The following PLEKHG1 variants were observed in gnomAD, a reference collection of about 807,000 sequenced individuals.
The protein encoded by PLEKHG1 is pleckstrin homology domain-containing family G member 1.
PLEKHG1 carries 44 observed loss-of-function variants against 100.8 expected under a neutral mutation model. The ratio of observed to expected loss-of-function variants is 0.44; its 90% CI spans 0.34 to 0.56. The LOEUF (loss-of-function observed/expected upper bound fraction) is 0.56. PLEKHG1 is among the 20% of genes least tolerant of loss of function. The pLI is 0.01. For synonymous variants in PLEKHG1, 640 were observed against 662.5 expected, an observed-to-expected ratio of 0.97 and a Z score of 0.52; for missense variants, 1,545 against 1,720.9, an observed-to-expected ratio of 0.90 and a Z score of 1.81.
At chr6:150,832,668 G>A (rs1036415856) in intron 15 of PLEKHG1, among the ~76,000 whole-genome samples, 8 of 136,676 alleles carry the variant, frequency 5.9e-5, no homozygotes, top group Non-Finnish European at 1.1e-4. Flanking sequence ...AAAAAGAGGG[G>A]TTTTTTTGCA....
At chr6:150,678,898 G>A (rs984142551) in intron 3 of PLEKHG1, among the ~76,000 whole-genome samples, 1 of 152,088 alleles carries the variant, frequency 6.6e-6, no homozygotes, top group South Asian at 2.1e-4. Context: ...ATCATATTAG[G>A]TTATCACTGA....
At chr6:150,778,550 C>T (rs992798278) in intron 3 of PLEKHG1, among the ~76,000 whole-genome samples, 6 of 152,184 alleles carry the variant, frequency 3.9e-5, no homozygotes, top group African/African-American at 1.4e-4. Flanking sequence ...CAGTTGCTCT[C>T]TATCGTACTA....
At chr6:150,706,313 A>G (rs1040234182) in intron 3 of PLEKHG1, among the ~76,000 whole-genome samples, 1 of 152,074 alleles carries the variant, frequency 6.6e-6, no homozygotes, top group Non-Finnish European at 1.5e-5. Context: ...TCAAGTTGTC[A>G]ATTTCAAAAA....
intron 1 of PLEKHG1, among the ~76,000 whole-genome samples, chr6:150,624,364 C>T (rs1294681042): frequency 6.6e-6 from 1 of 152,248 alleles, no homozygotes; most frequent in South Asian, 2.1e-4. Flanking sequence ...GCAACCTTGC[C>T]TCTCCCTCCC....
chr6:150,835,902 T>C (rs970960331), intron 15 of PLEKHG1, among the ~76,000 whole-genome samples: 3 of 152,186 alleles, frequency 2.0e-5, no homozygotes, highest in Admixed American at 1.3e-4. Flanking sequence ...TTATTCAAAA[T>C]TGATAAATGG....
At chr6:150,723,499 A>G (rs1781804222) in intron 1 of PLEKHG1, among the ~76,000 whole-genome samples, 1 of 152,182 alleles carries the variant, frequency 6.6e-6, no homozygotes, top group South Asian at 2.1e-4. Context: ...TTTTATGAGT[A>G]CAAGGAAGGA....
At chr6:150,816,896 C>G (rs558158742) in intron 10 of PLEKHG1, among the ~76,000 whole-genome samples, 1 of 152,314 alleles carries the variant, frequency 6.6e-6, no homozygotes, top group East Asian at 1.9e-4. Flanking sequence ...GTGCTGCAAC[C>G]TAGATCCCTC....
chr6:150,692,561 T>TCTAG (rs1391171587), intron 3 of PLEKHG1, among the ~76,000 whole-genome samples: 8 of 152,198 alleles, frequency 5.3e-5, no homozygotes, highest in Non-Finnish European at 7.3e-5. Context: ...ATATGTGATC[T>TCTAG]AGAGAAGACA....
intron 2 of PLEKHG1, among the ~76,000 whole-genome samples, chr6:150,765,934 A>G (rs887222144): frequency 4.6e-5 from 7 of 152,336 alleles, no homozygotes; most frequent in African/African-American, 1.7e-4. Context: ...GCTCCTGCCC[A>G]CTTCCCATAC....
At chr6:150,732,811 G>A (rs953864747) in intron 1 of PLEKHG1, among the ~76,000 whole-genome samples, 2 of 152,088 alleles carry the variant, frequency 1.3e-5, no homozygotes, top group Non-Finnish European at 2.9e-5. Context: ...TGTCTCAAAC[G>A]CCTGGCCTCA....
At chr6:150,661,914 G>T (rs1183547995) in intron 3 of PLEKHG1, among the ~76,000 whole-genome samples, 1 of 152,136 alleles carries the variant, frequency 6.6e-6, no homozygotes, top group Non-Finnish European at 1.5e-5. Flanking sequence ...AAGCATTCTT[G>T]TTTGTTTTGT....
rs1776324187 is a variant in PLEKHG1, at chr6:150,600,840, A to C, written c.-204+823A>C. On this transcript the variant is annotated intron_variant, in intron 1 of 3. Transcript: ENST00000367326. This position sits in a 1 kb window ranked among gnomAD's most constrained non-coding sequence, Gnocchi z 6.2. ...CAATTCATTCCGCTCCTCGGAAACA[A>C]TGAGCTGGATCCTTGACTTGAATGT... is the stretch of plus-strand genomic sequence containing the variant. 1 of 152,218 alleles carries C rather than the reference A, an allele frequency of 6.6e-6. No homozygotes were observed. Among genetic ancestry groups the C allele is most frequent in the Admixed American group, 6.5e-5 (1 of 15,284 alleles). The allele number at this position is 152,218 out of a possible 1,614,324, so 9.4% of individuals were successfully genotyped here.
At chr6:150,706,134 G>A (rs937638575) in intron 3 of PLEKHG1, among the ~76,000 whole-genome samples, 15 of 152,170 alleles carry the variant, frequency 9.9e-5, no homozygotes, top group African/African-American at 2.2e-4. Flanking sequence ...GATGTGATAC[G>A]TAAATGTTGG....
rs141409753 is a variant in PLEKHG1, at chr6:150,696,472, TACAC to T, written c.-98-37103_-98-37100del. ...GCATTAAACACTGTGAATATCTCAT[TACAC>T]ACACACACGGCACGCACGCACTTTC... On this transcript the variant is annotated intron_variant, in intron 3 of 3. Coordinates refer to the PLEKHG1 transcript ENST00000367326. Among the ~76,000 whole-genome samples, 124 of 152,202 alleles carry T rather than the reference TACAC, an allele frequency of 8.1e-4. 2 individuals are homozygous for T. The highest frequency in any genetic ancestry group is 2.8e-3 in the African/African-American group (118 of 41,546).
chr6:150,771,753 C>G (rs1784724538), intron 3 of PLEKHG1, among the ~76,000 whole-genome samples: 1 of 151,846 alleles, frequency 6.6e-6, no homozygotes, highest in Non-Finnish European at 1.5e-5. Context: ...CCAAGTTTTT[C>G]AAAATAATGT....
intron 3 of PLEKHG1, among the ~76,000 whole-genome samples, chr6:150,654,049 T>C (rs1778861796): frequency 6.6e-6 from 1 of 152,210 alleles, no homozygotes; most frequent in Non-Finnish European, 1.5e-5. Context: ...TGTCTCTACA[T>C]TTTGTTCTGT....
At chr6:150,798,093 T>G (rs941281897) in intron 5 of PLEKHG1, among the ~76,000 whole-genome samples, 1 of 152,172 alleles carries the variant, frequency 6.6e-6, no homozygotes, top group Admixed American at 6.5e-5. Flanking sequence ...AGTATTTGTT[T>G]CCATCTTAAT....
intron 3 of PLEKHG1, among the ~76,000 whole-genome samples, chr6:150,681,734 A>C (rs1412650013): frequency 6.6e-6 from 1 of 152,012 alleles, no homozygotes; most frequent in Non-Finnish European, 1.5e-5. Flanking sequence ...GTGGTGTCTG[A>C]GAGAACCCAG....
intron 1 of PLEKHG1, among the ~76,000 whole-genome samples, chr6:150,615,257 G>A (rs1031817743): frequency 1.3e-5 from 2 of 152,006 alleles, no homozygotes; most frequent in African/African-American, 4.8e-5. Context: ...CAGATTATCC[G>A]GTATTTGAGA....
Sources: allele counts gnomAD v4.1 joint callset (sites outside exome capture counted in the v4.1 genomes callset), GRCh38; gene constraint gnomAD v4.1.1; non-coding constraint Gnocchi (gnomAD v3.1); transcripts MANE v1.5; gene names NCBI Gene and HGNC (gene_info 2026-07-23, HGNC 2026-07-21).